XKR4: variants seen among roughly 807,000 people sequenced by gnomAD.
XKR4 encodes the protein XK-related protein 4.
A neutral mutation model predicts 53.9 loss-of-function variants in XKR4; 12 were observed. The observed-to-expected ratio is 0.22, with a 90% confidence interval of 0.14 to 0.36. The LOEUF is 0.36. XKR4 is among the 10% of genes least tolerant of loss of function. The pLI, the probability that XKR4 is intolerant of heterozygous loss-of-function variation, is 1.00. For missense variants in XKR4, 799 were observed against 859.5 expected, an observed-to-expected ratio of 0.93 and a Z score of 0.88; for synonymous variants, 354 against 362.4, an observed-to-expected ratio of 0.98 and a Z score of 0.26.
chr8:55,128,901 G>A (rs565527545), intron 1 of XKR4, among the ~76,000 whole-genome samples: 1 of 150,812 alleles, frequency 6.6e-6, no homozygotes, highest in South Asian at 2.1e-4. Context: ...TAGTCAGGAG[G>A]TGGATTGAGG....
At chr8:55,180,884 C>G (rs1817302012) in intron 1 of XKR4, among the ~76,000 whole-genome samples, 1 of 152,040 alleles carries the variant, frequency 6.6e-6, no homozygotes, top group African/African-American at 2.4e-5. Flanking sequence ...GCTTTCTTGT[C>G]TAACAAAAGA....
chr8:55,411,209 T>A (rs556368964), intron 2 of XKR4, among the ~76,000 whole-genome samples: 9 of 152,190 alleles, frequency 5.9e-5, no homozygotes, highest in Admixed American at 1.3e-4. Context: ...AGTCTACCAC[T>A]AATGAGCCCT....
chr8:55,441,695 A>G (rs1303043879), intron 2 of XKR4, among the ~76,000 whole-genome samples: 1 of 152,208 alleles, frequency 6.6e-6, no homozygotes, highest in Non-Finnish European at 1.5e-5. Flanking sequence ...AATTAATTAA[A>G]AAAATATAAC....
chr8:55,522,400 G>A (rs1008387087), intron 2 of XKR4, among the ~76,000 whole-genome samples: 1 of 152,344 alleles, frequency 6.6e-6, no homozygotes, highest in Middle Eastern at 3.4e-3. Context: ...GATAAAGGCT[G>A]TAGGAAGAGT....
At chr8:55,200,221 C>T (rs1817562091) in intron 1 of XKR4, among the ~76,000 whole-genome samples, 2 of 152,330 alleles carry the variant, frequency 1.3e-5, no homozygotes, top group South Asian at 4.1e-4. Flanking sequence ...GCGCCCACCA[C>T]AACGCCCAGC....
chr8:55,277,724 T>C (rs1413138310), intron 1 of XKR4, among the ~76,000 whole-genome samples: 3 of 152,224 alleles, frequency 2.0e-5, no homozygotes, highest in African/African-American at 4.8e-5. Context: ...TGTACTTACA[T>C]ACACATATCT....
At chr8:55,467,134 C>G (rs545635894) in intron 2 of XKR4, among the ~76,000 whole-genome samples, 2 of 152,064 alleles carry the variant, frequency 1.3e-5, no homozygotes, top group African/African-American at 4.8e-5. Flanking sequence ...AATGCAGGTC[C>G]CTGTGGGTAC....
chr8:55,450,462 T>C lies in XKR4; in HGVS notation c.1007-72819T>C. The C allele has an allele frequency of 8.4e-6, 5 of 594,052 alleles. 1 individual carries two copies. The South Asian group carries it at 8.7e-5, about 10-fold the overall frequency. 36.8% of individuals were successfully genotyped at this position (594,052 alleles called of 1,614,324 possible). A position where few individuals can be genotyped will look rare whatever the true frequency, so the allele number is the denominator to read the frequency against. ...CACAGAGACCTGCAAGGCAGCTGGC[T>C]CCTGCGCTGCCCCTTCTCCTCGTAC... On this transcript the variant is annotated intron_variant, in intron 2 of 2. Coordinates refer to ENST00000327381, the MANE Select transcript of XKR4 (RefSeq NM_052898.2).
chr8:55,256,025 A>C (rs1818435217), intron 1 of XKR4, among the ~76,000 whole-genome samples: 1 of 151,506 alleles, frequency 6.6e-6, no homozygotes, highest in Non-Finnish European at 1.5e-5. Flanking sequence ...TGGAGTAGAA[A>C]AGGGATGCCC....
In XKR4 at chr8:55,524,795, G is replaced by C. The variant is rs1471480414; in HGVS notation, c.*568G>C. 1 of 152,870 alleles carries C rather than the reference G, an allele frequency of 6.5e-6. No individual in the cohort carries two copies. Among genetic ancestry groups the C allele is most frequent in the Non-Finnish European group, 1.5e-5 (1 of 68,302 alleles). The allele number at this position is 152,870 out of a possible 1,614,324, so 9.5% of individuals were successfully genotyped here. ...TCTCATTTGGAAATCCATACCATGT[G>C]TGAAAATCCTATCCAACGGACAGCA... is the stretch of plus-strand genomic sequence containing the variant. On this transcript the variant is annotated 3_prime_UTR_variant, in exon 3 of 3. Coordinates refer to ENST00000327381, the MANE Select transcript of XKR4 (RefSeq NM_052898.2).
intron 1 of XKR4, among the ~76,000 whole-genome samples, chr8:55,265,737 TG>T (rs1175418493): frequency 2.0e-5 from 3 of 151,826 alleles, no homozygotes; most frequent in African/African-American, 4.8e-5. Flanking sequence ...CCCAGCATTT[TG>T]GGGGGGTCAA....
rs78952272 is a variant in XKR4, at chr8:55,161,290, C to T, written c.806+57996C>T. ...CTTTAACAGACACAGTTATTTCACTCGCAGACATCTTTCCCAGAAAAAAAA... is the reference window on the plus strand; with the variant it reads ...CTTTAACAGACACAGTTATTTCACTTGCAGACATCTTTCCCAGAAAAAAAA... On this transcript the variant is annotated intron_variant, in intron 1 of 2. Transcript: ENST00000327381. Among the ~76,000 whole-genome samples, 999 of 152,106 alleles carry T rather than the reference C, an allele frequency of 6.6e-3. 15 individuals carry two copies. Among genetic ancestry groups the T allele is most frequent in the African/African-American group, 0.022 (899 of 41,430 alleles).
intron 2 of XKR4, among the ~76,000 whole-genome samples, chr8:55,362,766 T>C (rs1398260795): frequency 6.6e-6 from 1 of 152,212 alleles, no homozygotes; most frequent in African/African-American, 2.4e-5. Flanking sequence ...CAGCCTCCCA[T>C]GATAGGCAGA....
chr8:55,455,065 G>C (rs1378681277), intron 2 of XKR4: 2 of 715,158 alleles, frequency 2.8e-6, no homozygotes, highest in African/African-American at 1.7e-5. Context: ...GCAGAATCTG[G>C]CCCTGGCCTT....
At chr8:55,312,693 T>G (rs1170849691) in intron 1 of XKR4, among the ~76,000 whole-genome samples, 2 of 152,250 alleles carry the variant, frequency 1.3e-5, no homozygotes, top group African/African-American at 4.8e-5. Flanking sequence ...TTTAGAAGTA[T>G]TCTCTTTTCA....
At position 55,530,205 on chromosome 8, in the gene XKR4, AAGG is replaced by A. The variant is rs1806932199; in HGVS notation, c.*5981_*5983del. ...GAAGGAAGGAAGGAAGGAAGGAAGG[AAGG>A]AGATTTAACAAGTCTTTGAAGTGAT... On this transcript the variant is annotated 3_prime_UTR_variant, in exon 3 of 3. Transcript: ENST00000327381. The A allele has an allele frequency of 8.4e-6, 1 of 118,524 alleles. No homozygotes were observed. Among genetic ancestry groups the A allele is most frequent in the African/African-American group, 3.2e-5 (1 of 31,332 alleles). 7.3% of individuals were successfully genotyped at this position (118,524 alleles called of 1,614,324 possible). A position where few individuals can be genotyped will look rare whatever the true frequency, so the allele number is the denominator to read the frequency against.
chr8:55,112,562 GTTTTTTTTTTTT>G (rs761779642), intron 1 of XKR4, among the ~76,000 whole-genome samples: 50 of 77,216 alleles, frequency 6.5e-4, no homozygotes, highest in African/African-American at 2.2e-3. Context: ...TACTTTTCAG[GTTTTTTTTTTTT>G]TTTTTTTTTT....
chr8:55,429,627 G>T (rs546053553), intron 2 of XKR4, among the ~76,000 whole-genome samples: 60 of 152,004 alleles, frequency 3.9e-4, no homozygotes, highest in Admixed American at 1.3e-3. Flanking sequence ...AGCTAGTGGG[G>T]CACTGAGGTA....
At chr8:55,198,069 C>T (rs1370421209) in intron 1 of XKR4, among the ~76,000 whole-genome samples, 2 of 152,182 alleles carry the variant, frequency 1.3e-5, no homozygotes, top group Non-Finnish European at 2.9e-5. Context: ...GGCCCTGATG[C>T]TCTGGATCTG....
Sources: gnomAD v4.1 joint callset for allele counts (sites outside exome capture counted in the v4.1 genomes callset) on GRCh38, gnomAD v4.1.1 for gene constraint, MANE v1.5 for transcripts, NCBI Gene and HGNC (gene_info 2026-07-23, HGNC 2026-07-21) for gene names.